The following CCDC91 variants were observed in gnomAD, a reference collection of about 807,000 sequenced individuals.
The protein encoded by CCDC91 is coiled-coil domain containing 91.
A neutral mutation model predicts 63.2 loss-of-function variants in CCDC91; 48 were observed. The ratio of observed to expected loss-of-function variants is 0.76; its 90% confidence interval spans 0.60 to 0.97. The LOEUF is 0.97. CCDC91 is among the 50% of genes least tolerant of loss of function. The pLI, the probability that CCDC91 is intolerant of heterozygous loss-of-function variation, is 0.00. For synonymous variants in CCDC91, 167 were observed against 165.8 expected (o/e 1.01, Z -0.06); for missense variants, 500 against 494.6 (o/e 1.01, Z -0.10).
chr12:28,259,453 C>G lies in CCDC91; in HGVS notation c.109+11C>G. The G allele has an allele frequency of 6.6e-7, 1 of 1,517,250 alleles. No homozygotes were observed. Among genetic ancestry groups the G allele is most frequent in the Non-Finnish European group, 9.1e-7 (1 of 1,103,288 alleles). 94.0% of individuals were successfully genotyped at this position (1,517,250 alleles called of 1,614,324 possible). Reference sequence around the variant, plus strand: ...CTGCCTTTCCTGCAGGTATTGGTATCCAGGAATTAGGGTTTTTTTTTTTTT... The same window carrying G: ...CTGCCTTTCCTGCAGGTATTGGTATGCAGGAATTAGGGTTTTTTTTTTTTT... On this transcript the variant is annotated intron_variant, in intron 3 of 12. Coordinates refer to ENST00000536442, the MANE Select transcript of CCDC91 (RefSeq NM_018318.5).
intron 8 of CCDC91, among the ~76,000 whole-genome samples, chr12:28,413,139 A>G (rs184433770): frequency 2.2e-4 from 33 of 152,278 alleles, no homozygotes; most frequent in Non-Finnish European, 3.8e-4. Flanking sequence ...AAGATACTAT[A>G]TAAGCTAGAA....
intron 6 of CCDC91, among the ~76,000 whole-genome samples, chr12:28,334,295 C>G (rs1443141898): frequency 6.6e-6 from 1 of 151,938 alleles, no homozygotes; most frequent in East Asian, 1.9e-4. Flanking sequence ...AGCTTCTGGC[C>G]TCGGGCAATT....
chr12:28,508,123 G>T (rs1938958396), intron 12 of CCDC91, among the ~76,000 whole-genome samples: 1 of 151,866 alleles, frequency 6.6e-6, no homozygotes, highest in African/African-American at 2.4e-5. Flanking sequence ...CTGAAGGCAG[G>T]CTCTGAGTAG....
chr12:28,284,088 T>C (rs1262428841), intron 3 of CCDC91, among the ~76,000 whole-genome samples: 1 of 152,226 alleles, frequency 6.6e-6, no homozygotes, highest in Non-Finnish European at 1.5e-5. Flanking sequence ...CTCTTTCTAA[T>C]TGTAAACATT....
chr12:28,420,149 A>C lies in CCDC91; in HGVS notation c.762+28738A>C, dbSNP rs373828644. Among the ~76,000 whole-genome samples the C allele has an allele frequency of 1.3e-4, 20 of 152,244 alleles. 1 individual carries two copies. The highest frequency in any genetic ancestry group is 4.8e-4 in the African/African-American group (20 of 41,558). Reference sequence around the variant, plus strand: ...TTAGGAAGCTGACCCATATCACATAACCAGTAACTAATAGGTAACAAAATT... The same window carrying C: ...TTAGGAAGCTGACCCATATCACATACCCAGTAACTAATAGGTAACAAAATT... On this transcript the variant is annotated intron_variant, in intron 8 of 12. Transcript: ENST00000536442.
At chr12:28,404,660 C>T (rs78216114) in intron 8 of CCDC91, among the ~76,000 whole-genome samples, 1,985 of 152,122 alleles carry the variant, frequency 0.013, 50 homozygotes, top group African/African-American at 0.045. Flanking sequence ...TTGCCTCATG[C>T]ATTTTGCTGC....
chr12:28,543,565 A>G (rs1942782399), intron 12 of CCDC91, among the ~76,000 whole-genome samples: 1 of 152,006 alleles, frequency 6.6e-6, no homozygotes. Context: ...GACATCCCCG[A>G]GTGTCCCAGG....
chr12:28,533,669 A>G (rs1592981695), intron 12 of CCDC91, among the ~76,000 whole-genome samples: 1 of 152,068 alleles, frequency 6.6e-6, no homozygotes, highest in East Asian at 1.9e-4. Flanking sequence ...TATAAGTCAA[A>G]AATACAGAAA....
chr12:28,361,495 C>T (rs2138546704), intron 6 of CCDC91, among the ~76,000 whole-genome samples: 1 of 152,074 alleles, frequency 6.6e-6, no homozygotes, highest in South Asian at 2.1e-4. Flanking sequence ...CTTTCTTTGG[C>T]TTCCTCTGTC....
At chr12:28,300,004 GT>G (rs1172300890) in intron 3 of CCDC91, among the ~76,000 whole-genome samples, 2 of 150,608 alleles carry the variant, frequency 1.3e-5, no homozygotes, top group South Asian at 2.1e-4. Flanking sequence ...ATACATATTA[GT>G]TTTTTTTCTA....
At chr12:28,362,359 C>A in intron 6 of CCDC91, 79 bp from the exon 7 acceptor site, 1 of 927,340 alleles carries the variant, frequency 1.1e-6, no homozygotes, top group Non-Finnish European at 1.6e-6. Flanking sequence ...TTCGTGGAAG[C>A]AGCAAAAGTC....
At chr12:28,315,302 A>AT (rs2137263677) in intron 6 of CCDC91, among the ~76,000 whole-genome samples, 1 of 151,996 alleles carries the variant, frequency 6.6e-6, no homozygotes, top group East Asian at 1.9e-4. Context: ...AGCAGCTGGA[A>AT]TTACAGGCAT....
chr12:28,311,656 T>A (rs1939340647), intron 6 of CCDC91, among the ~76,000 whole-genome samples: 1 of 152,088 alleles, frequency 6.6e-6, no homozygotes, highest in Non-Finnish European at 1.5e-5. Context: ...GTATTTTGTT[T>A]GAGTCATTGT....
At chr12:28,296,912 G>T (rs1429726709) in intron 3 of CCDC91, among the ~76,000 whole-genome samples, 2 of 151,878 alleles carry the variant, frequency 1.3e-5, no homozygotes, top group African/African-American at 4.8e-5. Flanking sequence ...TGAATAGGAA[G>T]ATGTGGGTTC....
At chr12:28,267,171 C>CA (rs76673551) in intron 3 of CCDC91, among the ~76,000 whole-genome samples, 30,749 of 151,602 alleles carry the variant, frequency 0.2, 4,014 homozygotes, top group Non-Finnish European at 0.3. Flanking sequence ...ACTTCTGATG[C>CA]TATAGTTTTA....
chr12:28,283,563 G>T (rs1284829973), intron 3 of CCDC91, among the ~76,000 whole-genome samples: 2 of 151,942 alleles, frequency 1.3e-5, no homozygotes, highest in African/African-American at 4.8e-5. Flanking sequence ...GAAAGTTAAT[G>T]GTTGTGTAAA....
At chr12:28,506,743 C>G (rs1388954971) in intron 12 of CCDC91, among the ~76,000 whole-genome samples, 1 of 151,608 alleles carries the variant, frequency 6.6e-6, no homozygotes, top group Non-Finnish European at 1.5e-5. Flanking sequence ...AAGGTCACAC[C>G]ACTAGAAAGT....
intron 1 of CCDC91, among the ~76,000 whole-genome samples, chr12:28,220,605 A>G (rs1943872971): frequency 6.6e-6 from 1 of 151,726 alleles, no homozygotes; most frequent in Middle Eastern, 3.4e-3. Flanking sequence ...AATTTCCTCA[A>G]TATTTCTTTT....
At position 28,362,483 on chromosome 12, in the gene CCDC91, G is replaced by A. The variant is rs753292484; in HGVS notation, c.622G>A (p.Glu208Lys). The A allele has an allele frequency of 1.2e-5, 19 of 1,598,850 alleles. No homozygotes were observed. Among genetic ancestry groups the A allele is most frequent in the African/African-American group, 4.0e-5 (3 of 74,374 alleles). The change falls in exon 7 of 13, where the codon GAA (glutamate) becomes AAA (lysine). Residue 208 changes from glutamate to lysine, a missense_variant. Glu to Lys is a moderately conservative substitution (Grantham distance 56, BLOSUM62 1). Transcript: ENST00000536442. Reference protein sequence around the residue: ...ELEDMRKAGHEALSIIVDEYK... With the variant: ...ELEDMRKAGHKALSIIVDEYK... Reference sequence around the variant, plus strand: ...GGAAGACATGAGGAAAGCTGGTCACGAAGCCCTCAGCATTATTGTGGATGA... The same window carrying A: ...GGAAGACATGAGGAAAGCTGGTCACAAAGCCCTCAGCATTATTGTGGATGA...
Sources: allele counts gnomAD v4.1 joint callset (sites outside exome capture counted in the v4.1 genomes callset), GRCh38; gene constraint gnomAD v4.1.1; transcripts MANE v1.5; gene names NCBI Gene and HGNC (gene_info 2026-07-23, HGNC 2026-07-21).